Variants in PCDHGA4 observed in about 807,000 individuals in gnomAD.
The protein encoded by PCDHGA4 is protocadherin gamma subfamily A, 4.
In PCDHGA4, 38 loss-of-function variants were observed where a neutral mutation model predicts 54.6. The ratio of observed to expected loss-of-function variants is 0.70; its 90% confidence interval spans 0.54 to 0.91. The LOEUF (loss-of-function observed/expected upper bound fraction) is 0.91, where lower values mean the gene tolerates loss of function less well. PCDHGA4 is among the 40% of genes least tolerant of loss of function. The pLI is 0.00. For missense variants in PCDHGA4, 1,298 were observed against 1,220.9 expected, an observed-to-expected ratio of 1.06 and a Z score of -0.94; for synonymous variants, 511 against 512.9, an observed-to-expected ratio of 1.00 and a Z score of 0.05.
At position 141,400,246 on chromosome 5, in the gene PCDHGA4, G is replaced by A. The variant is rs373890751; in HGVS notation, c.2514+42625G>A. On this transcript the variant is annotated intron_variant, in intron 1 of 3. Transcript: ENST00000571252. Reference sequence around the variant, plus strand: ...CTTCCTCCTGGCCGTGATTCTGGCCGTTGCCTTGCGCCTGCGACGCTCCTC... The same window carrying A: ...CTTCCTCCTGGCCGTGATTCTGGCCATTGCCTTGCGCCTGCGACGCTCCTC... 5.0e-5 allele frequency: 81 copies of A among 1,613,984 alleles called. No homozygotes were observed. The African/African-American group carries it at 6.0e-4, about 12-fold the overall frequency.
chr5:141,439,354 C>G (rs746525653), intron 1 of PCDHGA4, among the ~76,000 whole-genome samples: 7 of 152,186 alleles, frequency 4.6e-5, no homozygotes, highest in Admixed American at 4.6e-4. Context: ...TACAAATACT[C>G]AAACATCAAG....
chr5:141,374,191 C>G lies in PCDHGA4; in HGVS notation c.2514+16570C>G, dbSNP rs780279453. On this transcript the variant is annotated intron_variant, in intron 1 of 3. Coordinates refer to ENST00000571252, the MANE Select transcript of PCDHGA4 (RefSeq NM_018917.4). ...CAGCGCAGATCCGCTACTCTATTCC[C>G]GAGGAGCTGGAGAAAGGCTCCTTCG... The G allele has an allele frequency of 6.2e-6, 10 of 1,613,664 alleles. No homozygotes were observed. In the Admixed American group the frequency reaches 1.5e-4, roughly 24 times the overall value.
intron 1 of PCDHGA4, chr5:141,374,363 G>A: frequency 6.2e-7 from 1 of 1,614,034 alleles, no homozygotes; most frequent in Non-Finnish European, 8.5e-7. Context: ...AGACCGCGAG[G>A]AGCTCTGTGC....
At chr5:141,378,972 G>A (rs2150135353) in intron 1 of PCDHGA4, 1 of 152,298 alleles carries the variant, frequency 6.6e-6, no homozygotes, top group Middle Eastern at 3.4e-3. Context: ...CTAATTTGAT[G>A]ACTTGTTGAA....
chr5:141,438,581 TAC>T (rs2097976954), intron 1 of PCDHGA4, among the ~76,000 whole-genome samples: 6 of 49,834 alleles, frequency 1.2e-4, no homozygotes, highest in African/African-American at 7.2e-4. Flanking sequence ...TATACATACA[TAC>T]ATACATACAT....
rs762881601 is a variant in PCDHGA4, at chr5:141,392,998, A to ACGGAGTC, written c.2514+35380_2514+35386dup. 1.9e-6 allele frequency: 3 copies of ACGGAGTC among 1,613,876 alleles called. No individual in the cohort carries two copies. In the East Asian group the frequency reaches 6.7e-5, roughly 36 times the overall value. On this transcript the variant is annotated intron_variant, in intron 1 of 3. Transcript: ENST00000571252. ...CTGGACCCCCGGAAGCTGGCGAAGCACGGAGTCCGTATCGTCTCCAGAGGT... is the reference window on the plus strand; with the variant it reads ...CTGGACCCCCGGAAGCTGGCGAAGCACGGAGTCCGGAGTCCGTATCGTCTCCAGAGGT...
chr5:141,436,501 G>A (rs1382579407), intron 1 of PCDHGA4, among the ~76,000 whole-genome samples: 1 of 152,118 alleles, frequency 6.6e-6, no homozygotes, highest in Admixed American at 6.5e-5. Context: ...TTGCAATTAG[G>A]TAAATTGTTA....
intron 1 of PCDHGA4, among the ~76,000 whole-genome samples, chr5:141,466,863 C>A (rs1409042461): frequency 1.3e-5 from 2 of 152,070 alleles, no homozygotes; most frequent in African/African-American, 4.8e-5. Context: ...ATTTTGAAAT[C>A]CACACATTTT....
intron 1 of PCDHGA4, chr5:141,414,054 G>A: frequency 6.2e-7 from 1 of 1,610,250 alleles, no homozygotes; most frequent in Non-Finnish European, 8.5e-7. Flanking sequence ...ACACGCAATT[G>A]TTGAAGTTCC....
At chr5:141,464,838 A>G (rs2099091245) in intron 1 of PCDHGA4, among the ~76,000 whole-genome samples, 1 of 152,182 alleles carries the variant, frequency 6.6e-6, no homozygotes, top group African/African-American at 2.4e-5. Context: ...TCCTGGGCTC[A>G]AGCAATCCTC....
chr5:141,498,230 C>T (rs2099782452), intron 2 of PCDHGA4, among the ~76,000 whole-genome samples: 1 of 152,200 alleles, frequency 6.6e-6, no homozygotes, highest in African/African-American at 2.4e-5. Flanking sequence ...GATGGTCAGG[C>T]ATACCAGCTT....
chr5:141,449,484 A>G (rs1003440539), intron 1 of PCDHGA4, among the ~76,000 whole-genome samples: 2 of 150,848 alleles, frequency 1.3e-5, no homozygotes, highest in Non-Finnish European at 3.0e-5. Context: ...CCCCATGCCT[A>G]AGGGTGAGGC....
At position 141,408,408 on chromosome 5, in the gene PCDHGA4, G is replaced by A. The variant is rs376957467; in HGVS notation, c.2514+50787G>A. On this transcript the variant is annotated intron_variant, in intron 1 of 3. Coordinates refer to ENST00000571252, the MANE Select transcript of PCDHGA4 (RefSeq NM_018917.4). The stretch of plus-strand genomic sequence containing the variant: ...GTGTCGGCTCGCAAGCTGCGAGTGA[G>A]CGCGGAGAAGCTGCACTTCAGCGTA... 5 of 1,614,080 alleles carry A rather than the reference G, an allele frequency of 3.1e-6. No homozygotes were observed. The Admixed American group carries it at 5.0e-5, about 16-fold the overall frequency.
chr5:141,388,510 A>T, intron 1 of PCDHGA4: 5 of 1,613,846 alleles, frequency 3.1e-6, no homozygotes, highest in Non-Finnish European at 4.2e-6. Context: ...AAATCCTACC[A>T]CTTGACTTTG....
intron 1 of PCDHGA4, chr5:141,393,342 C>T (rs765924046): frequency 6.2e-7 from 1 of 1,613,944 alleles, no homozygotes; most frequent in Admixed American, 1.7e-5. Context: ...CCCCAATCAC[C>T]ACTTCTCCCT....
In PCDHGA4 at chr5:141,489,637, T is replaced by G. The variant is rs1230531256; in HGVS notation, c.2515-5170T>G. The G allele has an allele frequency of 6.2e-6, 10 of 1,614,032 alleles. No homozygotes were observed. The highest frequency in any genetic ancestry group is 2.7e-5 in the African/African-American group (2 of 74,914). On this transcript the variant is annotated intron_variant, in intron 1 of 3. Transcript: ENST00000571252. The surrounding 1 kb of genome is among the most constrained non-coding windows in gnomAD (Gnocchi z 4.5). The stretch of plus-strand genomic sequence containing the variant: ...GGATCTCAATGACAACTCTCCTAGC[T>G]TTGCCACCCCTGAGCGAGAGATGCG...
intron 1 of PCDHGA4, among the ~76,000 whole-genome samples, chr5:141,474,143 TATC>T (rs1371874237): frequency 1.3e-5 from 2 of 152,188 alleles, no homozygotes; most frequent in Non-Finnish European, 2.9e-5. Context: ...CAGGCCTTAT[TATC>T]AAGAAAATGA....
At chr5:141,384,956 A>G (rs1305792842) in intron 1 of PCDHGA4, 1 of 1,613,934 alleles carries the variant, frequency 6.2e-7, no homozygotes, top group African/African-American at 1.3e-5. Flanking sequence ...GGTCCTTACA[A>G]CTATGACCTC....
chr5:141,434,566 G>A (rs1280487112), intron 1 of PCDHGA4, among the ~76,000 whole-genome samples: 1 of 152,196 alleles, frequency 6.6e-6, no homozygotes, highest in African/African-American at 2.4e-5. Flanking sequence ...TTAAGGACAT[G>A]CCCCTGCTGC....
Sources: gnomAD v4.1 joint callset for allele counts (sites outside exome capture counted in the v4.1 genomes callset) on GRCh38, gnomAD v4.1.1 for gene constraint, Gnocchi (gnomAD v3.1) non-coding constraint, MANE v1.5 for transcripts, NCBI Gene and HGNC (gene_info 2026-07-23, HGNC 2026-07-21) for gene names.